The following ASIP variants were observed in gnomAD, a reference collection of about 807,000 sequenced individuals.
The protein encoded by ASIP is agouti-signaling protein.
ASIP carries 11 observed loss-of-function variants against 10.3 expected under a neutral mutation model. The observed-to-expected ratio is 1.07, with a 90% CI of 0.68 to 1.78. The LOEUF (loss-of-function observed/expected upper bound fraction) is 1.78, where lower values mean the gene tolerates loss of function less well. Among genes scored for constraint, ASIP ranks in the 40% most tolerant of loss-of-function variants. The pLI is 0.00. For synonymous variants in ASIP, 70 were observed against 70.8 expected, an observed-to-expected ratio of 0.99 and a Z score of 0.06; for missense variants, 180 against 169.2, an observed-to-expected ratio of 1.06 and a Z score of -0.35.
chr20:34,204,525 T>C (rs1284893218), intron 1 of ASIP, among the ~76,000 whole-genome samples: 1 of 152,178 alleles, frequency 6.6e-6, no homozygotes, highest in Non-Finnish European at 1.5e-5. Context: ...GGCCCGTTTT[T>C]TAACTTCTTT....
intron 1 of ASIP, among the ~76,000 whole-genome samples, chr20:34,219,818 G>A (rs1042820846): frequency 2.0e-5 from 3 of 152,300 alleles, no homozygotes; most frequent in Non-Finnish European, 2.9e-5. Flanking sequence ...TGCTGGGAGC[G>A]GTGGCTCACG....
At chr20:34,250,575 A>G (rs1231775255) in intron 1 of ASIP, among the ~76,000 whole-genome samples, 1 of 152,068 alleles carries the variant, frequency 6.6e-6, no homozygotes, top group East Asian at 1.9e-4. Context: ...AGGCGGGCGG[A>G]TCACCTGAGA....
chr20:34,268,584 A>C (rs555458467), intron 3 of ASIP, among the ~76,000 whole-genome samples: 36 of 152,004 alleles, frequency 2.4e-4, no homozygotes, highest in Admixed American at 5.2e-4. Context: ...AATAAAAATA[A>C]ATTTAGCCAA....
intron 1 of ASIP, among the ~76,000 whole-genome samples, chr20:34,205,518 G>T (rs1370582628): frequency 6.6e-6 from 1 of 151,442 alleles, no homozygotes; most frequent in East Asian, 1.9e-4. Context: ...GCAGCAGCAA[G>T]ATTTATTGCG....
At chr20:34,245,025 CA>C (rs1006334263) in intron 1 of ASIP, among the ~76,000 whole-genome samples, 1 of 151,850 alleles carries the variant, frequency 6.6e-6, no homozygotes, top group African/African-American at 2.4e-5. Flanking sequence ...CCGGGTTTTT[CA>C]AAAAATAAAA....
chr20:34,213,337 A>G (rs961916496), intron 1 of ASIP, among the ~76,000 whole-genome samples: 1 of 152,212 alleles, frequency 6.6e-6, no homozygotes, highest in African/African-American at 2.4e-5. Context: ...AGTCTGTGGT[A>G]TGCTTTTATA....
At chr20:34,243,549 A>G (rs1461737364) in intron 1 of ASIP, among the ~76,000 whole-genome samples, 1 of 152,060 alleles carries the variant, frequency 6.6e-6, no homozygotes. Flanking sequence ...TTGAAACTGC[A>G]TTTGCTAAGA....
At chr20:34,195,962 C>A (rs1329127584) in intron 1 of ASIP, among the ~76,000 whole-genome samples, 1 of 152,092 alleles carries the variant, frequency 6.6e-6, no homozygotes, top group Non-Finnish European at 1.5e-5. Flanking sequence ...TTCTTTGAGA[C>A]AGCCTGCAGG....
At chr20:34,201,053 TTTCTTTC>T (rs367642573) in intron 1 of ASIP, among the ~76,000 whole-genome samples, 7,691 of 110,674 alleles carry the variant, frequency 0.069, 251 homozygotes, top group Non-Finnish European at 0.084. Context: ...TCTTTCTTTC[TTTCTTTC>T]TTTTTTTTCC....
upstream of ASIP, among the ~76,000 whole-genome samples, chr20:34,193,795 T>C (rs765654179): frequency 7.2e-5 from 11 of 152,182 alleles, no homozygotes; most frequent in African/African-American, 2.2e-4. Context: ...GTCCAACAAA[T>C]AGCCAAATGT....
At chr20:34,255,880 G>A (rs758819694) in intron 1 of ASIP, among the ~76,000 whole-genome samples, 4 of 152,286 alleles carry the variant, frequency 2.6e-5, no homozygotes, top group Middle Eastern at 3.4e-3. Flanking sequence ...TTAGCAGACC[G>A]AGAAAGGGAG....
At chr20:34,221,114 C>T (rs1342193103) in intron 1 of ASIP, among the ~76,000 whole-genome samples, 4 of 152,016 alleles carry the variant, frequency 2.6e-5, no homozygotes, top group Non-Finnish European at 4.4e-5. Context: ...CGCGATGGCT[C>T]ACGCCTGTAA....
chr20:34,255,595 T>TC (rs1755864668), intron 1 of ASIP, among the ~76,000 whole-genome samples: 1 of 152,218 alleles, frequency 6.6e-6, no homozygotes, highest in South Asian at 2.1e-4. Flanking sequence ...ATATCATTAA[T>TC]CATTAGTTTG....
chr20:34,246,111 G>A, intron 1 of ASIP: 1 of 898,998 alleles, frequency 1.1e-6, no homozygotes, highest in Non-Finnish European at 1.8e-6. Flanking sequence ...AAAAATCTTT[G>A]TGCTTCTTTA....
chr20:34,257,474 A>C (rs1365455390), intron 1 of ASIP, among the ~76,000 whole-genome samples: 1 of 152,228 alleles, frequency 6.6e-6, no homozygotes, highest in African/African-American at 2.4e-5. Context: ...AGCAACAATC[A>C]GAAGCTAAAA....
At chr20:34,214,402 A>G in intron 1 of ASIP, 1 of 1,400,356 alleles carries the variant, frequency 7.1e-7, no homozygotes, top group Non-Finnish European at 1.0e-6. Context: ...CTGACTCCTG[A>G]TGTTACCAGA....
intron 1 of ASIP, chr20:34,250,230 C>CTAG (rs1358322887): frequency 1.3e-5 from 2 of 152,336 alleles, no homozygotes; most frequent in Non-Finnish European, 2.9e-5. Flanking sequence ...GCTGCCTTGA[C>CTAG]TAGTGCCACT....
intron 1 of ASIP, among the ~76,000 whole-genome samples, chr20:34,254,594 G>A (rs2035537935): frequency 6.6e-6 from 1 of 152,152 alleles, no homozygotes; most frequent in Non-Finnish European, 1.5e-5. Flanking sequence ...TCAATTCATA[G>A]TCTGTATTCA....
At chr20:34,246,604 A>G in intron 1 of ASIP, 1 of 661,778 alleles carries the variant, frequency 1.5e-6, no homozygotes, top group South Asian at 1.5e-5. Flanking sequence ...CCACAGGCAC[A>G]TGCCACCATG....
Sources: allele counts gnomAD v4.1 joint callset (sites outside exome capture counted in the v4.1 genomes callset), GRCh38; gene constraint gnomAD v4.1.1; transcripts MANE v1.5; gene names NCBI Gene and HGNC (gene_info 2026-07-23, HGNC 2026-07-21).